Variants in TNRC6C observed in about 807,000 individuals in gnomAD.
TNRC6C encodes the protein trinucleotide repeat-containing gene 6C protein.
TNRC6C carries 20 observed loss-of-function variants against 153.7 expected under a neutral mutation model. That is an observed-to-expected ratio of 0.13 (90% confidence interval 0.09 to 0.19). The LOEUF is 0.19. TNRC6C is among the 10% of genes least tolerant of loss of function. The pLI, the probability that TNRC6C is intolerant of heterozygous loss-of-function variation, is 1.00. For missense variants in TNRC6C, 1,987 were observed against 2,172.0 expected, an observed-to-expected ratio of 0.91 and a Z score of 1.69; for synonymous variants, 811 against 841.4, an observed-to-expected ratio of 0.96 and a Z score of 0.63.
exon 15 of TNRC6C, chr17:78,093,103 T>C: frequency 6.2e-7 from 1 of 1,612,988 alleles, no homozygotes; most frequent in Non-Finnish European, 8.5e-7. Context: ...CTCAAATGGC[T>C]CTAGCATCAA....
At chr17:78,051,407 A>G (rs1387142552) in exon 3 of TNRC6C, 1 of 1,548,480 alleles carries the variant, frequency 6.5e-7, no homozygotes, top group Non-Finnish European at 8.7e-7. Context: ...CCCCCGCACC[A>G]GGCCGGTACT....
intron 13 of TNRC6C, among the ~76,000 whole-genome samples, chr17:78,088,959 CTTTTT>C (rs59304499): frequency 3.5e-5 from 3 of 86,698 alleles, no homozygotes; most frequent in Admixed American, 2.4e-4. Flanking sequence ...CTTATCGTTA[CTTTTT>C]TTTTTTTTTT....
chr17:78,002,489 A>G (rs188974733), upstream of TNRC6C, among the ~76,000 whole-genome samples: 1 of 152,320 alleles, frequency 6.6e-6, no homozygotes, highest in East Asian at 1.9e-4. Flanking sequence ...TGCATTTTAT[A>G]CTTGTTGCTG....
chr17:78,015,380 A>G (rs1040920435), intron 1 of TNRC6C, among the ~76,000 whole-genome samples: 1 of 152,192 alleles, frequency 6.6e-6, no homozygotes, highest in African/African-American at 2.4e-5. Context: ...ATGTGTTAAA[A>G]TGTGTGGGTT....
chr17:77,972,883 T>C (rs1335680113), intron 1 of TNRC6C, among the ~76,000 whole-genome samples: 3 of 152,100 alleles, frequency 2.0e-5, no homozygotes, highest in Admixed American at 6.6e-5. Flanking sequence ...CCAGAGCCAA[T>C]AACATCATAA....
At chr17:78,064,495 C>T (rs1258245609) in intron 3 of TNRC6C, among the ~76,000 whole-genome samples, 10 of 152,072 alleles carry the variant, frequency 6.6e-5, no homozygotes, top group Non-Finnish European at 1.2e-4. Context: ...CTGGGCAACA[C>T]AGCGAGTCCC....
chr17:77,978,402 G>T (rs1388794336), intron 1 of TNRC6C, among the ~76,000 whole-genome samples: 5 of 152,274 alleles, frequency 3.3e-5, no homozygotes, highest in Non-Finnish European at 7.4e-5. Context: ...TTGGGTGTCT[G>T]CTTCTGGCTA....
chr17:78,067,829 A>G lies in TNRC6C; in HGVS notation c.2684A>G (p.Asp895Gly), dbSNP rs750540866. ...AACCTCAGTACCAGCCAGTGGGAGG[A>G]TGAAGAAGGGGACGTGTGGAATAAT... Residue 895 changes from aspartate to glycine, a missense_variant, in exon 5 of 20, where the codon GAT becomes GGT. Physicochemically the swap from Asp to Gly is moderately conservative, Grantham distance 94. Around this residue, in one of 4 missense-constraint regions of TNRC6C, gnomAD observed 765 missense variants for 908.6 expected, o/e 0.84. Coordinates refer to ENST00000301624, the Ensembl canonical transcript of TNRC6C. The G allele has an allele frequency of 4.3e-6, 7 of 1,613,944 alleles. No homozygotes were observed. Among genetic ancestry groups the G allele is most frequent in the South Asian group, 1.1e-5 (1 of 91,068 alleles).
At chr17:77,962,915 T>G (rs1174566290) in intron 1 of TNRC6C, among the ~76,000 whole-genome samples, 1 of 152,210 alleles carries the variant, frequency 6.6e-6, no homozygotes, top group African/African-American at 2.4e-5. Context: ...ATATTTTGTT[T>G]GAAGATGTCA....
In TNRC6C at chr17:78,087,349, C is replaced by A. The variant is rs370412691; in HGVS notation, c.3802+256C>A. 4.6e-5 allele frequency among the ~76,000 whole-genome samples: 7 copies of A among 152,186 alleles called. No homozygotes were observed. The East Asian group carries it at 1.3e-3, about 29-fold the overall frequency. On this transcript the variant is annotated intron_variant, in intron 13 of 19. Coordinates refer to ENST00000301624, the Ensembl canonical transcript of TNRC6C. ...CTCAGGCTGGTCTTGAACTCCTGGGCTCAAGCAATCCTCCCACCTCAGCCT... is the reference window on the plus strand; with the variant it reads ...CTCAGGCTGGTCTTGAACTCCTGGGATCAAGCAATCCTCCCACCTCAGCCT...
chr17:78,062,311 T>C (rs2072785379), intron 3 of TNRC6C, among the ~76,000 whole-genome samples: 1 of 149,642 alleles, frequency 6.7e-6, no homozygotes, highest in Non-Finnish European at 1.5e-5. Flanking sequence ...AGGTTGCGTG[T>C]CCTTTTGTTA....
At chr17:78,028,693 A>AC (rs779370440) in intron 1 of TNRC6C, among the ~76,000 whole-genome samples, 1 of 151,854 alleles carries the variant, frequency 6.6e-6, no homozygotes, top group Non-Finnish European at 1.5e-5. Context: ...ATCATGAACC[A>AC]CCCCCCAATG....
chr17:78,075,181 G>C lies in TNRC6C; in HGVS notation c.2963G>C (p.Gly988Ala), dbSNP rs1354465208. 6.2e-7 allele frequency: 1 copy of C among 1,612,206 alleles called. No individual in the cohort carries two copies. The highest frequency in any genetic ancestry group is 8.5e-7 in the Non-Finnish European group (1 of 1,179,124). ...GTGGACGTGGACAAGCGTGGGCTGG[G>C]AGTGACCGACCATAATGGAATGGCC... The change falls in exon 8 of 20, where the codon GGA (glycine) becomes GCA (alanine). Residue 988 changes from glycine (G) to alanine (A), a missense_variant. Gly to Ala is a moderately conservative substitution (Grantham distance 60). Coordinates refer to ENST00000301624, the Ensembl canonical transcript of TNRC6C. This position sits in a 1 kb window ranked among gnomAD's most constrained non-coding sequence, Gnocchi z 4.2.
intron 1 of TNRC6C, among the ~76,000 whole-genome samples, chr17:78,019,028 G>A (rs1423247452): frequency 1.3e-5 from 2 of 152,176 alleles, no homozygotes; most frequent in African/African-American, 4.8e-5. Flanking sequence ...GTGTCAGGCG[G>A]TCTGGAAATG....
In TNRC6C at chr17:77,977,093, C is replaced by T. The variant is rs2071012076; in HGVS notation, c.-38+17825C>T. On this transcript the variant is annotated intron_variant, in intron 1 of 22. Coordinates refer to the TNRC6C transcript ENST00000636222. ...TCCAGATGGTATCTATTTTATGGTA[C>T]TTAGACTTTCTAACTTTTATAATGA... Among the ~76,000 whole-genome samples the T allele has an allele frequency of 2.0e-5, 3 of 151,706 alleles. No individual in the cohort carries two copies. The South Asian group carries it at 6.2e-4, about 31-fold the overall frequency.
At chr17:78,073,798 A>G (rs2073039048) in intron 7 of TNRC6C, among the ~76,000 whole-genome samples, 1 of 152,300 alleles carries the variant, frequency 6.6e-6, no homozygotes, top group Admixed American at 6.5e-5. Context: ...ATTAGCCAAG[A>G]AGGGTGTAAC....
At chr17:78,093,415 T>C in intron 15 of TNRC6C, 1 of 719,894 alleles carries the variant, frequency 1.4e-6, no homozygotes, top group South Asian at 1.9e-5. Context: ...GTGTGAAAAC[T>C]AGCTTAATAT....
chr17:77,987,125 T>G (rs1332259759), intron 1 of TNRC6C, among the ~76,000 whole-genome samples: 2 of 152,156 alleles, frequency 1.3e-5, no homozygotes, highest in African/African-American at 4.8e-5. Context: ...GTTAATGTAT[T>G]TAACATGTAT....
intron 1 of TNRC6C, among the ~76,000 whole-genome samples, chr17:77,973,651 T>C (rs1470210837): frequency 6.6e-6 from 1 of 152,208 alleles, no homozygotes; most frequent in Non-Finnish European, 1.5e-5. Flanking sequence ...GGTCACAGCT[T>C]ACAAGACCAG....
Sources: gnomAD v4.1 joint callset for allele counts (sites outside exome capture counted in the v4.1 genomes callset) on GRCh38, gnomAD v4.1.1 for gene constraint, gnomAD v4.1.1 regional missense constraint, Gnocchi (gnomAD v3.1) non-coding constraint, MANE v1.5 for transcripts, NCBI Gene and HGNC (gene_info 2026-07-23, HGNC 2026-07-21) for gene names.